CFAP43: variants seen among roughly 807,000 people sequenced by gnomAD.
CFAP43 encodes cilia and flagella associated protein 43, also known as cilia- and flagella-associated protein 43.
In CFAP43, 155 loss-of-function variants were observed where a neutral mutation model predicts 218.9. The ratio of observed to expected loss-of-function variants is 0.71; its 90% CI spans 0.62 to 0.81. The LOEUF (loss-of-function observed/expected upper bound fraction) is 0.81, where lower values mean the gene tolerates loss of function less well. CFAP43 is among the 30% of genes least tolerant of loss of function. CFAP43 has a pLI of 0.00. For missense variants in CFAP43, 1,778 were observed against 1,954.3 expected (o/e 0.91, Z 1.70); for synonymous variants, 645 against 681.3 (o/e 0.95, Z 0.83).
intron 3 of CFAP43, among the ~76,000 whole-genome samples, chr10:104,224,610 C>G (rs1055402781): frequency 3.3e-5 from 5 of 151,568 alleles, no homozygotes; most frequent in Non-Finnish European, 7.4e-5. Context: ...AAAAAATTAG[C>G]TGGTCATGAT....
At position 104,182,497 on chromosome 10, in the gene CFAP43, G is replaced by C. The variant is rs1235210301; in HGVS notation, c.2158C>G (p.Leu720Val). The change falls in exon 17 of 38, where the codon CTA becomes GTA. Residue 720 changes from leucine (L) to valine (V), a missense_variant. Physicochemically the swap from Leu to Val is conservative, Grantham distance 32. This residue lies in a region of CFAP43 where 1,553 missense variants were observed against 1,685.2 expected (regional missense o/e 0.92). Transcript: ENST00000357060. Reference protein sequence around the residue: ...YLKWKRFGGHLASEILDYYQK... With the variant: ...YLKWKRFGGHVASEILDYYQK... Reference sequence around the variant, plus strand: ...TAATAGTCCAGAATTTCACTGGCTAGGTGTCCTCCAAATCGCCTATATTAA... The same window carrying C: ...TAATAGTCCAGAATTTCACTGGCTACGTGTCCTCCAAATCGCCTATATTAA... 1 of 1,596,660 alleles carries C rather than the reference G, an allele frequency of 6.3e-7. No individual in the cohort carries two copies. Among genetic ancestry groups the C allele is most frequent in the Non-Finnish European group, 8.5e-7 (1 of 1,175,154 alleles).
At chr10:104,137,871 G>A (rs1300285589) in intron 34 of CFAP43, among the ~76,000 whole-genome samples, 1 of 152,036 alleles carries the variant, frequency 6.6e-6, no homozygotes, top group Non-Finnish European at 1.5e-5. Flanking sequence ...ACAACTTTGC[G>A]ATGTATTAAT....
At chr10:104,165,695 A>G (rs2089119266) in intron 23 of CFAP43, among the ~76,000 whole-genome samples, 1 of 152,218 alleles carries the variant, frequency 6.6e-6, no homozygotes, top group African/African-American at 2.4e-5. Flanking sequence ...TTTGGTGGAA[A>G]GTTAAGGAGT....
At position 104,146,482 on chromosome 10, in the gene CFAP43, G is replaced by A. The variant is rs1344561978; in HGVS notation, c.3769-133C>T. The A allele has an allele frequency of 4.6e-6, 3 of 655,070 alleles. No individual in the cohort carries two copies. The African/African-American group carries it at 5.5e-5, about 12-fold the overall frequency. 40.6% of individuals were successfully genotyped at this position (655,070 alleles called of 1,614,324 possible). ...TGTCTGTGAAGTATTTATTCATGAA[G>A]ATAAGATTTATAGAAGAAAATACAC... On this transcript the variant is annotated intron_variant, in intron 29 of 37. Coordinates refer to ENST00000357060, the MANE Select transcript of CFAP43 (RefSeq NM_025145.7).
intron 27 of CFAP43, among the ~76,000 whole-genome samples, chr10:104,157,405 G>A (rs2088605611): frequency 6.6e-6 from 1 of 152,174 alleles, no homozygotes; most frequent in Non-Finnish European, 1.5e-5. Context: ...ATTACAAAAT[G>A]TGCACATCAC....
At position 104,144,518 on chromosome 10, in the gene CFAP43, A is replaced by T. The variant is rs573430248; in HGVS notation, c.3945-879T>A. On this transcript the variant is annotated intron_variant, in intron 31 of 37. Coordinates refer to ENST00000357060, the MANE Select transcript of CFAP43 (RefSeq NM_025145.7). ...ACAAAAATTAGCTGGGCGTGGTGGC[A>T]TGTGCCTGTAGTCCCAGCTACTTGG... 9.1e-4 allele frequency among the ~76,000 whole-genome samples: 138 copies of T among 152,242 alleles called. 1 individual carries two copies. The highest frequency in any genetic ancestry group is 3.2e-3 in the African/African-American group (133 of 41,548).
intron 23 of CFAP43, among the ~76,000 whole-genome samples, chr10:104,165,594 T>C (rs2089112825): frequency 6.6e-6 from 1 of 152,216 alleles, no homozygotes; most frequent in Non-Finnish European, 1.5e-5. Context: ...GCATTCAATT[T>C]CAAACTATCT....
Position 104,230,604 on chromosome 10 carries a change from C to T in CFAP43, c.305G>A (p.Arg102Lys), listed in dbSNP as rs753615149. Residue 102 changes from arginine to lysine, a missense_variant, in exon 2 of 38, where the codon AGG (arginine) becomes AAG (lysine). Physicochemically the swap from Arg to Lys is conservative, Grantham distance 26. Coordinates refer to ENST00000357060, the MANE Select transcript of CFAP43 (RefSeq NM_025145.7). ...CTCTAGAATACCTTTCAATTTGGTC[C>T]TTCTGGTCAATCCTGGAAAGCTGTA... ...YVYSFPGLTR[R>K]TKLKGNILLD... 1.9e-6 allele frequency: 3 copies of T among 1,613,952 alleles called. No homozygotes were observed. The African/African-American group carries it at 4.0e-5, about 22-fold the overall frequency.
At chr10:104,166,445 G>A in intron 23 of CFAP43, 43 bp downstream of exon 23, 2 of 1,443,134 alleles carry the variant, frequency 1.4e-6, no homozygotes, top group Non-Finnish European at 1.9e-6. Context: ...CCACCTAATG[G>A]GGAGTCTAGA....
intron 3 of CFAP43, among the ~76,000 whole-genome samples, chr10:104,221,236 A>T (rs2091172189): frequency 6.6e-6 from 1 of 151,986 alleles, no homozygotes; most frequent in African/African-American, 2.4e-5. Flanking sequence ...TGGCCTCCCA[A>T]AGTGTTGGGA....
At chr10:104,149,100 G>A (rs2088121762) in intron 28 of CFAP43, among the ~76,000 whole-genome samples, 1 of 152,036 alleles carries the variant, frequency 6.6e-6, no homozygotes, top group Admixed American at 6.5e-5. Flanking sequence ...TGCAGAGTCT[G>A]GTTTTAATGC....
chr10:104,183,383 G>GT lies in CFAP43; in HGVS notation c.2142-871dup, dbSNP rs34324833. On this transcript the variant is annotated intron_variant, in intron 16 of 37. Transcript: ENST00000357060. The stretch of plus-strand genomic sequence containing the variant: ...ACAAAGTCAAAAGTCCTAGACCATC[G>GT]TTTTTTTTTTTTTTTTTGAGACGGA... Among the ~76,000 whole-genome samples, 447 of 130,726 alleles carry GT rather than the reference G, an allele frequency of 3.4e-3. 2 individuals are homozygous for GT. Among genetic ancestry groups the GT allele is most frequent in the South Asian group, 0.019 (74 of 3,988 alleles). The allele number at this position is 130,726 out of a possible 152,430, so 85.8% of individuals were successfully genotyped here. A position where few individuals can be genotyped will look rare whatever the true frequency, so the allele number is the denominator to read the frequency against.
intron 9 of CFAP43, among the ~76,000 whole-genome samples, chr10:104,197,672 G>C (rs1409083568): frequency 6.6e-6 from 1 of 152,218 alleles, no homozygotes; most frequent in Non-Finnish European, 1.5e-5. Flanking sequence ...GATCTCAATT[G>C]TGTTGGCTGT....
chr10:104,194,139 G>C (rs1179001016), intron 10 of CFAP43, 125 bp from the exon 11 acceptor site: 27 of 1,136,654 alleles, frequency 2.4e-5, no homozygotes, highest in Non-Finnish European at 4.9e-6. Context: ...TGTGTGGTGG[G>C]GTCTTTCAAA....
chr10:104,149,090 T>C (rs1041402570), intron 28 of CFAP43, among the ~76,000 whole-genome samples: 12 of 152,242 alleles, frequency 7.9e-5, no homozygotes, highest in Non-Finnish European at 1.8e-4. Flanking sequence ...TCTGTAGCAT[T>C]GCAGAGTCTG....
At chr10:104,155,003 G>A (rs1346637899) in intron 27 of CFAP43, among the ~76,000 whole-genome samples, 22 of 152,160 alleles carry the variant, frequency 1.4e-4, no homozygotes, top group Admixed American at 1.2e-3. Flanking sequence ...AGGGGGTGAG[G>A]GAAGCAGTGC....
intron 23 of CFAP43, 127 bp from the exon 24 acceptor site, chr10:104,164,427 T>A (rs1304867310): frequency 1.3e-5 from 9 of 708,748 alleles, no homozygotes; most frequent in Admixed American, 2.9e-5. Context: ...AGATGCAGTC[T>A]CGCTTTGTTG....
chr10:104,213,387 C>CG lies in CFAP43; in HGVS notation c.584+871dup, dbSNP rs1467504625. Among the ~76,000 whole-genome samples the CG allele has an allele frequency of 1.9e-4, 29 of 152,240 alleles. 1 individual carries two copies. The highest frequency in any genetic ancestry group is 7.0e-4 in the African/African-American group (29 of 41,554). On this transcript the variant is annotated intron_variant, in intron 4 of 37. Coordinates refer to ENST00000357060, the MANE Select transcript of CFAP43 (RefSeq NM_025145.7). ...TCAGCTCAGTAGCACCTTGAGTCTCCGAGCTCTTTCTCAACAAAAGCACCC... is the reference window on the plus strand; with the variant it reads ...TCAGCTCAGTAGCACCTTGAGTCTCCGGAGCTCTTTCTCAACAAAAGCACCC...
At chr10:104,164,819 A>G (rs547877518) in intron 23 of CFAP43, among the ~76,000 whole-genome samples, 1 of 152,364 alleles carries the variant, frequency 6.6e-6, no homozygotes, top group South Asian at 2.1e-4. Context: ...AGGCTACCAC[A>G]TAATTGTTAG....
Sources: allele counts gnomAD v4.1 joint callset (sites outside exome capture counted in the v4.1 genomes callset), GRCh38; gene constraint gnomAD v4.1.1; regional missense constraint gnomAD v4.1.1; transcripts MANE v1.5; gene names NCBI Gene and HGNC (gene_info 2026-07-23, HGNC 2026-07-21).